The following NPR2 variants were observed in gnomAD, a reference collection of about 807,000 sequenced individuals.
NPR2 encodes natriuretic peptide receptor 2.
A neutral mutation model predicts 120.7 loss-of-function variants in NPR2; 49 were observed. The observed-to-expected ratio is 0.41, with a 90% CI of 0.32 to 0.52. The LOEUF (loss-of-function observed/expected upper bound fraction) is 0.52, where lower values mean the gene tolerates loss of function less well. Ranked by LOEUF, NPR2 falls within the 20% of genes least tolerant of loss-of-function variation. The pLI is 0.36. For missense variants in NPR2, 931 were observed against 1,362.9 expected (o/e 0.68, Z 4.99); for synonymous variants, 484 against 519.8 (o/e 0.93, Z 0.94).
In NPR2 at chr9:35,808,159, C is replaced by T. The variant is rs756636937; in HGVS notation, c.2713-350C>T. On this transcript the variant is annotated intron_variant, in intron 18 of 21. Coordinates refer to ENST00000342694, the MANE Select transcript of NPR2 (RefSeq NM_003995.4). This position sits in a 1 kb window ranked among gnomAD's most constrained non-coding sequence, Gnocchi z 4.0. The stretch of plus-strand genomic sequence containing the variant: ...GGGCTGTCAGGTCCATTTCACTGGG[C>T]CTGCTTTACCTCCTCACCAGCCTCT... The T allele has an allele frequency of 3.7e-6, 6 of 1,602,262 alleles. No individual in the cohort carries two copies. Among genetic ancestry groups the T allele is most frequent in the East Asian group, 4.5e-5 (2 of 44,816 alleles).
Position 35,805,542 on chromosome 9 carries a change from C to T in NPR2, c.1919C>T (p.Ser640Leu). 1 of 1,614,188 alleles carries T rather than the reference C, an allele frequency of 6.2e-7. No individual in the cohort carries two copies. Among genetic ancestry groups the T allele is most frequent in the Non-Finnish European group, 8.5e-7 (1 of 1,180,022 alleles). ...GMAFLHNSII[S>L]SHGSLKSSNC... is the part of the protein sequence containing the mutation. ...GCCTTTCTCCACAACAGCATTATTTCATCGCATGGGAGTCTCAAGTCCTCC... is the reference window on the plus strand; with the variant it reads ...GCCTTTCTCCACAACAGCATTATTTTATCGCATGGGAGTCTCAAGTCCTCC... Residue 640 changes from serine (S) to leucine (L), a missense_variant, in exon 13 of 22, where the codon TCA becomes TTA. Physicochemically the swap from Ser to Leu is moderately radical, Grantham distance 145 (BLOSUM62 -2). Transcript: ENST00000342694. The surrounding 1 kb of genome is among the most constrained non-coding windows in gnomAD (Gnocchi z 4.9).
intron 2 of NPR2, among the ~76,000 whole-genome samples, chr9:35,797,423 C>G (rs1353841442): frequency 6.6e-6 from 1 of 152,168 alleles, no homozygotes; most frequent in Non-Finnish European, 1.5e-5. Flanking sequence ...CAGGGAGCAC[C>G]AGCGGCAAGA....
chr9:35,802,886 C>A lies in NPR2; in HGVS notation c.1887+83C>A. 2 of 907,958 alleles carry A rather than the reference C, an allele frequency of 2.2e-6. No homozygotes were observed. Among genetic ancestry groups the A allele is most frequent in the Non-Finnish European group, 1.9e-6 (1 of 539,680 alleles). The allele number at this position is 907,958 out of a possible 1,614,324, so 56.2% of individuals were successfully genotyped here. ...TGATTGTGGTTTTTCTCCTTCTAGTCCTCTGAAGTCCTGTTCTCTCATCTC... is the reference window on the plus strand; with the variant it reads ...TGATTGTGGTTTTTCTCCTTCTAGTACTCTGAAGTCCTGTTCTCTCATCTC... On this transcript the variant is annotated intron_variant, in intron 12 of 21. Coordinates refer to ENST00000342694, the MANE Select transcript of NPR2 (RefSeq NM_003995.4). This position sits in a 1 kb window ranked among gnomAD's most constrained non-coding sequence, Gnocchi z 4.2.
chr9:35,799,692 A>G lies in NPR2; in HGVS notation c.948A>G (p.Arg316=). The change falls in exon 3 of 22, where the codon AGA becomes AGG. Residue 316 remains arginine, a synonymous_variant. Coordinates refer to ENST00000342694, the MANE Select transcript of NPR2 (RefSeq NM_003995.4). The part of the protein sequence containing the change: ...YQEFQNRLLI[R]AREDFGVELG... The stretch of plus-strand genomic sequence containing the variant: ...AATTCCAGAATCGTCTGCTGATAAG[A>G]GCCCGGGAAGACTTTGGTGTGGAGC... 1 of 1,613,904 alleles carries G rather than the reference A, an allele frequency of 6.2e-7. No homozygotes were observed. Among genetic ancestry groups the G allele is most frequent in the Non-Finnish European group, 8.5e-7 (1 of 1,180,000 alleles).
In NPR2 at chr9:35,800,488, T is replaced by C. The variant is rs1322043872; in HGVS notation, c.1218+5T>C. The stretch of plus-strand genomic sequence containing the variant: ...CTGGATTCTGGGGACTTTCAGGTGA[T>C]GGAGGAGGAGGCAGGGAAGAGAGTG... On this transcript the variant is annotated splice_donor_5th_base_variant and intron_variant, in intron 5 of 21. Transcript: ENST00000342694. The surrounding 1 kb of genome is among the most constrained non-coding windows in gnomAD (Gnocchi z 4.7). 1.9e-6 allele frequency: 3 copies of C among 1,610,860 alleles called. No homozygotes were observed. The highest frequency in any genetic ancestry group is 2.2e-5 in the East Asian group (1 of 44,880).
chr9:35,806,263 C>T lies in NPR2; in HGVS notation c.2372+30C>T. The T allele has an allele frequency of 6.2e-7, 1 of 1,613,790 alleles. No individual in the cohort carries two copies. Among genetic ancestry groups the T allele is most frequent in the Non-Finnish European group, 8.5e-7 (1 of 1,179,870 alleles). On this transcript the variant is annotated intron_variant, in intron 15 of 21. Transcript: ENST00000342694. This position sits in a 1 kb window ranked among gnomAD's most constrained non-coding sequence, Gnocchi z 4.6. ...GAGGGCATTATGGGGCAGGGGCTTC[C>T]CAGGGATAGAAGACTCATTAGTCCT... is the stretch of plus-strand genomic sequence containing the variant.
At chr9:35,804,457 T>C (rs976692663) in intron 12 of NPR2, among the ~76,000 whole-genome samples, 5 of 152,170 alleles carry the variant, frequency 3.3e-5, no homozygotes, top group African/African-American at 1.2e-4. Flanking sequence ...GGTCTTGAAC[T>C]GCTGGGCTCA....
rs774099913 is a variant in NPR2, at chr9:35,793,955, G to A, written c.725G>A (p.Arg242Lys). 95 of 1,614,074 alleles carry A rather than the reference G, an allele frequency of 5.9e-5. No homozygotes were observed. The highest frequency in any genetic ancestry group is 7.8e-5 in the Non-Finnish European group (92 of 1,180,030). ...MLHEILLQAQ[R>K]ENLTNGDYVF... is the part of the protein sequence containing the mutation. ...CATGAGATCCTGCTTCAGGCCCAGA[G>A]GGAGAATCTGACCAATGGGGATTAT... is the stretch of plus-strand genomic sequence containing the variant. Residue 242 changes from arginine to lysine, a missense_variant, in exon 2 of 22, where the codon AGG (arginine) becomes AAG (lysine). Physicochemically the swap from Arg to Lys is conservative, Grantham distance 26. Around this residue, in one of 3 missense-constraint regions of NPR2, gnomAD observed 681 missense variants for 974.3 expected, o/e 0.70. Coordinates refer to ENST00000342694, the MANE Select transcript of NPR2 (RefSeq NM_003995.4).
chr9:35,804,303 T>C (rs1588064180), intron 12 of NPR2, among the ~76,000 whole-genome samples: 1 of 151,834 alleles, frequency 6.6e-6, no homozygotes, highest in South Asian at 2.1e-4. Context: ...GCTAGGTCAC[T>C]GCTCACTGCA....
At chr9:35,793,603 C>T (rs927811438) in intron 1 of NPR2, among the ~76,000 whole-genome samples, 1 of 152,012 alleles carries the variant, frequency 6.6e-6, no homozygotes, top group Non-Finnish European at 1.5e-5. Flanking sequence ...GGGAGCAGGC[C>T]GGTTGGGTGG....
chr9:35,801,539 A>G, intron 7 of NPR2, 104 bp from the exon 8 acceptor site: 1 of 1,193,324 alleles, frequency 8.4e-7, no homozygotes, highest in Admixed American at 1.7e-5. Context: ...CAGGTGTAAC[A>G]GTTGCAGCTT....
chr9:35,807,263 T>C, intron 17 of NPR2, 67 bp from the exon 18 acceptor site: 1 of 1,509,068 alleles, frequency 6.6e-7, no homozygotes, highest in South Asian at 1.1e-5. Flanking sequence ...TTTGATGGCT[T>C]GTGGGTTAAG....
chr9:35,806,340 C>CAGAGGGTGGG lies in NPR2; in HGVS notation c.2373-52_2373-51insAGAGGGTGGG. On this transcript the variant is annotated intron_variant, in intron 15 of 21. Coordinates refer to ENST00000342694, the MANE Select transcript of NPR2 (RefSeq NM_003995.4). This position sits in a 1 kb window ranked among gnomAD's most constrained non-coding sequence, Gnocchi z 4.6. ...CAGAGGGTGGGTTGGATAGGAAGTC[C>CAGAGGGTGGG]TGGGAATCTTCAGAATCTTAGAGCA... 6.2e-7 allele frequency: 1 copy of CAGAGGGTGGG among 1,611,108 alleles called. No homozygotes were observed. Among genetic ancestry groups the CAGAGGGTGGG allele is most frequent in the African/African-American group, 1.3e-5 (1 of 74,928 alleles).
At position 35,809,269 on chromosome 9, in the gene NPR2, G is replaced by A. The variant is rs754032453; in HGVS notation, c.3078+22G>A. The A allele has an allele frequency of 1.2e-6, 2 of 1,612,364 alleles. No homozygotes were observed. Among genetic ancestry groups the A allele is most frequent in the Non-Finnish European group, 8.5e-7 (1 of 1,178,652 alleles). On this transcript the variant is annotated intron_variant, in intron 21 of 21. Coordinates refer to ENST00000342694, the MANE Select transcript of NPR2 (RefSeq NM_003995.4). This position sits in a 1 kb window ranked among gnomAD's most constrained non-coding sequence, Gnocchi z 4.1. Reference sequence around the variant, plus strand: ...GAAGGTGATGGCAGGCCATGGGGAGGGGGGCATGGAAAGGGAGGGTGAAAG... The same window carrying A: ...GAAGGTGATGGCAGGCCATGGGGAGAGGGGCATGGAAAGGGAGGGTGAAAG...
chr9:35,792,491 C>T lies in NPR2; in HGVS notation c.83C>T (p.Ala28Val), dbSNP rs746138473. ...CCCGGGGCGCGGAACCTGACGCTGG[C>T]GGTGGTGCTGCCAGAACACAACCTG... is the stretch of plus-strand genomic sequence containing the variant. The part of the protein sequence containing the change: ...RPPGARNLTL[A>V]VVLPEHNLSY... Residue 28 changes from alanine (A) to valine (V), a missense_variant, in exon 1 of 22, where the codon GCG (alanine) becomes GTG (valine). By Grantham distance (64) the Ala-to-Val change is moderately conservative. Around this residue, in one of 3 missense-constraint regions of NPR2, gnomAD observed 681 missense variants for 974.3 expected, o/e 0.70. Coordinates refer to ENST00000342694, the MANE Select transcript of NPR2 (RefSeq NM_003995.4). The T allele has an allele frequency of 6.2e-7, 1 of 1,610,460 alleles. No homozygotes were observed. The highest frequency in any genetic ancestry group is 8.5e-7 in the Non-Finnish European group (1 of 1,179,896).
chr9:35,800,994 A>C lies in NPR2; in HGVS notation c.1352-76A>C, dbSNP rs1828129978. The C allele has an allele frequency of 3.3e-6, 5 of 1,501,404 alleles. No individual in the cohort carries two copies. The South Asian group carries it at 4.5e-5, about 14-fold the overall frequency. 93.0% of individuals were successfully genotyped at this position (1,501,404 alleles called of 1,614,324 possible). A position where few individuals can be genotyped will look rare whatever the true frequency, so the allele number is the denominator to read the frequency against. ...CTTCCTACTCCCAAGGAGTCTGTCT[A>C]TGCACCTATGCACCCCGTTCTCCAT... On this transcript the variant is annotated intron_variant, in intron 6 of 21. Coordinates refer to ENST00000342694, the MANE Select transcript of NPR2 (RefSeq NM_003995.4). The surrounding 1 kb of genome is among the most constrained non-coding windows in gnomAD (Gnocchi z 4.7).
At chr9:35,794,366 A>G (rs578187927) in intron 2 of NPR2, among the ~76,000 whole-genome samples, 1 of 152,208 alleles carries the variant, frequency 6.6e-6, no homozygotes, top group Non-Finnish European at 1.5e-5. Flanking sequence ...GTAGTAGGCT[A>G]TATTGTGGGG....
Position 35,807,046 on chromosome 9 carries a change from G to A in NPR2, c.2543G>A (p.Arg848Gln), listed in dbSNP as rs368849630. The A allele has an allele frequency of 1.3e-4, 213 of 1,613,936 alleles. No individual in the cohort carries two copies. Among genetic ancestry groups the A allele is most frequent in the Non-Finnish European group, 1.7e-4 (204 of 1,179,964 alleles). Reference protein sequence around the residue: ...LPHSVAEQLKRGETVQAEAFD... With the variant: ...LPHSVAEQLKQGETVQAEAFD... The stretch of plus-strand genomic sequence containing the variant: ...AGTTCAGTGGCAGAGCAGTTAAAAC[G>A]GGGAGAGACTGTACAGGCTGAGGCC... The change falls in exon 17 of 22, where the codon CGG becomes CAG. Residue 848 changes from arginine to glutamine, a missense_variant. Physicochemically the swap from Arg to Gln is conservative, Grantham distance 43 (BLOSUM62 1). Around this residue, in one of 3 missense-constraint regions of NPR2, gnomAD observed 184 missense variants for 328.3 expected, o/e 0.56. Coordinates refer to ENST00000342694, the MANE Select transcript of NPR2 (RefSeq NM_003995.4).
At position 35,802,157 on chromosome 9, in the gene NPR2, CAG is replaced by C; in HGVS notation, c.1633-47_1633-46del. The C allele has an allele frequency of 7.3e-7, 1 of 1,377,068 alleles. No individual in the cohort carries two copies. Among genetic ancestry groups the C allele is most frequent in the South Asian group, 1.2e-5 (1 of 86,294 alleles). 85.3% of individuals were successfully genotyped at this position (1,377,068 alleles called of 1,614,324 possible). A position where few individuals can be genotyped will look rare whatever the true frequency, so the allele number is the denominator to read the frequency against. Reference sequence around the variant, plus strand: ...CTGCTCTCTAGCATTTCCTTGTACCCAGAACTTCTGATATTCACTTTCCTTTC... The same window carrying C: ...CTGCTCTCTAGCATTTCCTTGTACCCAACTTCTGATATTCACTTTCCTTTC... On this transcript the variant is annotated intron_variant, in intron 9 of 21. Transcript: ENST00000342694. This position sits in a 1 kb window ranked among gnomAD's most constrained non-coding sequence, Gnocchi z 4.2.
Sources: gnomAD v4.1 joint callset for allele counts (sites outside exome capture counted in the v4.1 genomes callset) on GRCh38, gnomAD v4.1.1 for gene constraint, gnomAD v4.1.1 regional missense constraint, Gnocchi (gnomAD v3.1) non-coding constraint, MANE v1.5 for transcripts, NCBI Gene and HGNC (gene_info 2026-07-23, HGNC 2026-07-21) for gene names.